Variants in WDR72 observed in about 807,000 individuals in gnomAD.
WDR72 encodes WD repeat-containing protein 72.
Under a neutral mutation model 124.2 loss-of-function variants are expected in WDR72, and 120 were observed. That is an observed-to-expected ratio of 0.97 (90% CI 0.83 to 1.12). The LOEUF (loss-of-function observed/expected upper bound fraction) is 1.12. Ranked by LOEUF, WDR72 falls within the 50% of genes most tolerant of loss-of-function variation. The pLI is 0.00. For missense variants in WDR72, 1,387 were observed against 1,278.8 expected, an observed-to-expected ratio of 1.08 and a Z score of -1.29; for synonymous variants, 452 against 441.7, an observed-to-expected ratio of 1.02 and a Z score of -0.29.
At chr15:53,707,665 C>G (rs918840752) in intron 9 of WDR72, among the ~76,000 whole-genome samples, 1 of 152,098 alleles carries the variant, frequency 6.6e-6, no homozygotes, top group Non-Finnish European at 1.5e-5. Flanking sequence ...CCAGGATGGT[C>G]TCAATCTCCT....
intron 2 of WDR72, among the ~76,000 whole-genome samples, chr15:53,728,832 A>G (rs1383765099): frequency 6.6e-6 from 1 of 152,152 alleles, no homozygotes; most frequent in Non-Finnish European, 1.5e-5. Context: ...TGGGAGTCAG[A>G]CTTCGAACTC....
chr15:53,702,158 A>G lies in WDR72; in HGVS notation c.1545T>C (p.Leu515=). 1.2e-6 allele frequency: 2 copies of G among 1,613,840 alleles called. No individual in the cohort carries two copies. Among genetic ancestry groups the G allele is most frequent in the Non-Finnish European group, 8.5e-7 (1 of 1,179,964 alleles). The change falls in exon 12 of 20, where the codon CTT becomes CTC. Residue 515 remains leucine (L), a synonymous_variant. Coordinates refer to ENST00000360509, the MANE Select transcript of WDR72 (RefSeq NM_182758.4). ...FFLEAGPVTS[L]LMSPEKFKLR... is the part of the protein sequence containing the mutation. ...CTTTAAACTTCTCTGGTGACATCAA[A>G]AGACTTGTTACTGGACCAGCTTCCA...
intron 3 of WDR72, 42 bp from the exon 4 acceptor site, chr15:53,716,727 T>G (rs367713091): frequency 4.2e-6 from 6 of 1,445,678 alleles, no homozygotes; most frequent in Non-Finnish European, 5.8e-6. Flanking sequence ...TCATTTCCAC[T>G]CAATTGGCTG....
intron 14 of WDR72, among the ~76,000 whole-genome samples, chr15:53,651,117 C>A (rs1302020504): frequency 6.6e-6 from 1 of 152,054 alleles, no homozygotes; most frequent in African/African-American, 2.4e-5. Flanking sequence ...TTGAGTCACA[C>A]TGGCCTTTTT....
intron 3 of WDR72, among the ~76,000 whole-genome samples, chr15:53,719,579 A>T (rs1212414846): frequency 1.3e-5 from 2 of 152,292 alleles, no homozygotes; most frequent in South Asian, 4.1e-4. Context: ...TCATTATCTC[A>T]ATGAATGATA....
intron 13 of WDR72, among the ~76,000 whole-genome samples, chr15:53,683,400 C>T (rs944211764): frequency 3.9e-5 from 6 of 152,106 alleles, no homozygotes; most frequent in Non-Finnish European, 8.8e-5. Flanking sequence ...CCCAAATACC[C>T]TAACCTGATC....
chr15:53,615,908 A>T lies in WDR72; in HGVS notation c.2298T>A (p.Ile766=). The change falls in exon 15 of 20, where the codon ATT becomes ATA. Residue 766 remains isoleucine, a synonymous_variant. Coordinates refer to ENST00000360509, the MANE Select transcript of WDR72 (RefSeq NM_182758.4). ...AGATCTTCATTTTCTTCTGCCTTTT[A>T]ATGCCATCATTTTCTTCTGAGAATT... is the stretch of plus-strand genomic sequence containing the variant. The part of the protein sequence containing the change: ...TIKFSEENDG[I]KRQKKMKISK... The T allele has an allele frequency of 6.2e-7, 1 of 1,613,502 alleles. No homozygotes were observed. The highest frequency in any genetic ancestry group is 8.5e-7 in the Non-Finnish European group (1 of 1,179,666).
chr15:53,526,646 A>G (rs1214950246), intron 18 of WDR72, among the ~76,000 whole-genome samples: 2 of 152,048 alleles, frequency 1.3e-5, no homozygotes. Flanking sequence ...CTTTTACTAT[A>G]CATATTGACT....
rs146289197 is a variant in WDR72 at position 53,555,764 on chromosome 15, A to T, written c.3149-32442T>A. On this transcript the variant is annotated intron_variant, in intron 18 of 19. Transcript: ENST00000360509. ...GGGTCAATGGTTTGCCATTTAAAAA[A>T]ATATATATTTCTCAGCCCTTTACTG... Among the ~76,000 whole-genome samples, 6 of 152,220 alleles carry T rather than the reference A, an allele frequency of 3.9e-5. No homozygotes were observed. In the East Asian group the frequency reaches 1.2e-3, roughly 29 times the overall value.
At chr15:53,683,129 T>A (rs964751234) in intron 13 of WDR72, among the ~76,000 whole-genome samples, 2 of 152,106 alleles carry the variant, frequency 1.3e-5, no homozygotes, top group African/African-American at 4.8e-5. Context: ...ATTGCCCCCA[T>A]GATCCAATCA....
intron 8 of WDR72, 56 bp from the exon 9 acceptor site, chr15:53,711,009 T>C: frequency 6.9e-7 from 1 of 1,451,784 alleles, no homozygotes; most frequent in Non-Finnish European, 9.6e-7. Flanking sequence ...TTATTCGTTT[T>C]TTTTCCCCCT....
At position 53,615,604 on chromosome 15, in the gene WDR72, A is replaced by G; in HGVS notation, c.2602T>C (p.Leu868=). The change falls in exon 15 of 20, where the codon TTG becomes CTG. Residue 868 remains leucine, a synonymous_variant. Coordinates refer to ENST00000360509, the MANE Select transcript of WDR72 (RefSeq NM_182758.4). ...GCTGTGTATTTATCTGACAAGTCCA[A>G]AACTTTCCTGGAAAATAAATTTACT... is the stretch of plus-strand genomic sequence containing the variant. ...SGVNLFSRKV[L]DLSDKYTATL... The G allele has an allele frequency of 5.0e-6, 8 of 1,612,870 alleles. No homozygotes were observed. The highest frequency in any genetic ancestry group is 6.8e-6 in the Non-Finnish European group (8 of 1,179,330).
At chr15:53,671,504 A>T (rs2015988132) in intron 13 of WDR72, among the ~76,000 whole-genome samples, 1 of 152,220 alleles carries the variant, frequency 6.6e-6, no homozygotes, top group Non-Finnish European at 1.5e-5. Flanking sequence ...GGTACAAAGC[A>T]GGTCTTTCTA....
chr15:53,667,109 T>C (rs2015805573), intron 13 of WDR72, among the ~76,000 whole-genome samples: 1 of 152,198 alleles, frequency 6.6e-6, no homozygotes, highest in Non-Finnish European at 1.5e-5. Flanking sequence ...CCCAGCACTT[T>C]TGGAGCCTGA....
chr15:53,527,781 A>G (rs1159761962), intron 18 of WDR72, among the ~76,000 whole-genome samples: 1 of 152,092 alleles, frequency 6.6e-6, no homozygotes, highest in East Asian at 1.9e-4. Flanking sequence ...AATAATGTAC[A>G]GGATGCAGAG....
At chr15:53,634,528 A>C (rs539436261) in intron 14 of WDR72, among the ~76,000 whole-genome samples, 2 of 152,374 alleles carry the variant, frequency 1.3e-5, no homozygotes. Context: ...CAACATTTTA[A>C]GAAAGTCTAC....
chr15:53,652,793 T>C (rs939552143), intron 14 of WDR72, among the ~76,000 whole-genome samples: 6 of 152,330 alleles, frequency 3.9e-5, no homozygotes, highest in African/African-American at 9.6e-5. Flanking sequence ...TTTAACCACA[T>C]TGCCTCTTAA....
chr15:53,683,657 A>G (rs74015884), intron 13 of WDR72, among the ~76,000 whole-genome samples: 2,129 of 152,258 alleles, frequency 0.014, 59 homozygotes, highest in African/African-American at 0.049. Flanking sequence ...AAACACACAC[A>G]CAGAATATAG....
chr15:53,706,114 C>T (rs1159129082), intron 9 of WDR72, 40 bp from the exon 10 acceptor site: 2 of 1,608,506 alleles, frequency 1.2e-6, no homozygotes, highest in East Asian at 4.5e-5. Flanking sequence ...AATATTCTAA[C>T]TAGAGAGAGA....
Sources: gnomAD v4.1 joint callset for allele counts (sites outside exome capture counted in the v4.1 genomes callset) on GRCh38, gnomAD v4.1.1 for gene constraint, MANE v1.5 for transcripts, NCBI Gene and HGNC (gene_info 2026-07-23, HGNC 2026-07-21) for gene names.